ZRANB3: variants seen among roughly 807,000 people sequenced by gnomAD.
ZRANB3 encodes the protein DNA annealing helicase and endonuclease ZRANB3.
ZRANB3 carries 125 observed loss-of-function variants against 133.8 expected under a neutral mutation model. The observed-to-expected ratio is 0.93, with a 90% CI of 0.81 to 1.08. The LOEUF (loss-of-function observed/expected upper bound fraction) is 1.08. Among genes scored for constraint, ZRANB3 ranks in the 50% least tolerant of loss-of-function variants. ZRANB3 has a pLI of 0.00. For synonymous variants in ZRANB3, 387 were observed against 432.7 expected (o/e 0.89, Z 1.31); for missense variants, 1,229 against 1,275.5 (o/e 0.96, Z 0.56).
At chr2:135,294,512 G>A (rs1681933463) in intron 8 of ZRANB3, among the ~76,000 whole-genome samples, 1 of 152,044 alleles carries the variant, frequency 6.6e-6, no homozygotes, top group African/African-American at 2.4e-5. Context: ...CTTGCTAGCA[G>A]TCTATCAATT....
chr2:135,525,607 G>A (rs62168777), intron 1 of ZRANB3, among the ~76,000 whole-genome samples: 2 of 152,150 alleles, frequency 1.3e-5, no homozygotes, highest in South Asian at 4.1e-4. Flanking sequence ...CAGCACTGTG[G>A]GAGGCTGAGG....
At chr2:135,260,256 C>G (rs1679891541) in intron 12 of ZRANB3, among the ~76,000 whole-genome samples, 1 of 152,098 alleles carries the variant, frequency 6.6e-6, no homozygotes, top group South Asian at 2.1e-4. Flanking sequence ...CAGACACATT[C>G]AGATGTAGAA....
In ZRANB3 at chr2:135,320,558, T is replaced by C. The variant is rs1683475292; in HGVS notation, c.678-5028A>G. The stretch of plus-strand genomic sequence containing the variant: ...AAAATTCATTTATTCTTTTCTAAAT[T>C]GAAAGAATAAACATACGCCTTTTAA... On this transcript the variant is annotated intron_variant, in intron 6 of 20. Coordinates refer to ENST00000264159, the MANE Select transcript of ZRANB3 (RefSeq NM_032143.4). Among the ~76,000 whole-genome samples the C allele has an allele frequency of 2.6e-5, 4 of 152,186 alleles. No individual in the cohort carries two copies. In the South Asian group the frequency reaches 8.3e-4, roughly 32 times the overall value.
At chr2:135,264,529 G>C (rs562689247) in intron 12 of ZRANB3, among the ~76,000 whole-genome samples, 1 of 151,160 alleles carries the variant, frequency 6.6e-6, no homozygotes, top group Non-Finnish European at 1.5e-5. Flanking sequence ...GGTGATTCAT[G>C]CAAATATCAT....
At position 135,328,422 on chromosome 2, in the gene ZRANB3, A is replaced by G. The variant is rs570954246; in HGVS notation, c.678-12892T>C. On this transcript the variant is annotated intron_variant, in intron 6 of 20. Transcript: ENST00000264159. ...CTTTTTTATGGCTGCATAGCATTCCATGGTGTATATGTACCACATTTTCTT... is the reference window on the plus strand; with the variant it reads ...CTTTTTTATGGCTGCATAGCATTCCGTGGTGTATATGTACCACATTTTCTT... Among the ~76,000 whole-genome samples the G allele has an allele frequency of 9.9e-5, 15 of 152,270 alleles. No homozygotes were observed. The East Asian group carries it at 2.9e-3, about 29-fold the overall frequency.
intron 2 of ZRANB3, among the ~76,000 whole-genome samples, chr2:135,445,709 C>G (rs1267849437): frequency 6.7e-6 from 1 of 148,814 alleles, no homozygotes; most frequent in Non-Finnish European, 1.5e-5. Context: ...AACCCTGTCT[C>G]TACTAAAAAT....
chr2:135,511,301 C>G (rs754251144), intron 1 of ZRANB3: 2 of 956,602 alleles, frequency 2.1e-6, no homozygotes, highest in Non-Finnish European at 3.4e-6. Context: ...CTAGCTCAGA[C>G]TTTTCCTCTT....
At chr2:135,382,352 C>A (rs1383437674) in intron 3 of ZRANB3, among the ~76,000 whole-genome samples, 1 of 152,052 alleles carries the variant, frequency 6.6e-6, no homozygotes, top group East Asian at 1.9e-4. Flanking sequence ...GTGAAAAGAC[C>A]AAATCTATGT....
chr2:135,313,364 A>C, intron 8 of ZRANB3, 125 bp downstream of exon 8: 2 of 643,250 alleles, frequency 3.1e-6, no homozygotes, highest in Non-Finnish European at 5.0e-6. Context: ...AAAAAAAAAA[A>C]AAAAAAGAGT....
chr2:135,215,388 G>A (rs1348563095), intron 17 of ZRANB3, among the ~76,000 whole-genome samples: 2 of 152,078 alleles, frequency 1.3e-5, no homozygotes, highest in Non-Finnish European at 2.9e-5. Context: ...CTCCAAAGTA[G>A]CTGGGACTAC....
chr2:135,494,307 C>CA (rs770757530), intron 2 of ZRANB3, among the ~76,000 whole-genome samples: 8,997 of 50,206 alleles, frequency 0.18, 361 homozygotes, highest in South Asian at 0.36. Context: ...GACTCCGTCT[C>CA]AAAAAAAAAA....
At chr2:135,304,950 T>C (rs761748571) in intron 8 of ZRANB3, among the ~76,000 whole-genome samples, 3 of 152,148 alleles carry the variant, frequency 2.0e-5, no homozygotes, top group Non-Finnish European at 2.9e-5. Flanking sequence ...ACAAGTTTTA[T>C]TCGTTCAAAA....
At chr2:135,353,418 T>A in intron 4 of ZRANB3, 32 bp downstream of exon 4, 1 of 1,485,938 alleles carries the variant, frequency 6.7e-7, no homozygotes. Flanking sequence ...AAGGAAGACT[T>A]TTCTCCTTAA....
At chr2:135,504,560 C>T in intron 1 of ZRANB3, 64 bp from the exon 2 acceptor site, 1 of 1,366,046 alleles carries the variant, frequency 7.3e-7, no homozygotes, top group Non-Finnish European at 9.9e-7. Context: ...AAGTATGTTA[C>T]AGAATCACAT....
intron 2 of ZRANB3, among the ~76,000 whole-genome samples, chr2:135,452,340 C>T (rs1468048386): frequency 6.6e-6 from 1 of 152,162 alleles, no homozygotes; most frequent in Non-Finnish European, 1.5e-5. Context: ...AATGGGTACA[C>T]AGCCAAACCA....
At chr2:135,443,219 T>G (rs1689862336) in intron 2 of ZRANB3, among the ~76,000 whole-genome samples, 1 of 151,996 alleles carries the variant, frequency 6.6e-6, no homozygotes, top group East Asian at 1.9e-4. Context: ...TTCATGTCCT[T>G]TACAGGGACA....
intron 7 of ZRANB3, among the ~76,000 whole-genome samples, chr2:135,314,283 T>G (rs1683148618): frequency 1.3e-5 from 2 of 152,216 alleles, no homozygotes; most frequent in Non-Finnish European, 2.9e-5. Context: ...TTGATTTAAA[T>G]AAAGATGGGG....
chr2:135,245,890 C>T (rs1314159074), intron 12 of ZRANB3, among the ~76,000 whole-genome samples: 2 of 103,704 alleles, frequency 1.9e-5, no homozygotes, highest in African/African-American at 7.9e-5. Flanking sequence ...CGCGTCATTG[C>T]ACTCCAGCCT....
At chr2:135,416,313 A>G (rs1688572532) in intron 2 of ZRANB3, among the ~76,000 whole-genome samples, 1 of 152,158 alleles carries the variant, frequency 6.6e-6, no homozygotes, top group Non-Finnish European at 1.5e-5. Context: ...ATACACCATC[A>G]ACAGACAAAC....
Sources: allele counts gnomAD v4.1 joint callset (sites outside exome capture counted in the v4.1 genomes callset), GRCh38; gene constraint gnomAD v4.1.1; transcripts MANE v1.5; gene names NCBI Gene and HGNC (gene_info 2026-07-23, HGNC 2026-07-21).